Variants in RBFOX1 observed in about 807,000 individuals in gnomAD.
The protein encoded by RBFOX1 is RNA binding protein fox-1 homolog 1.
A neutral mutation model predicts 57.7 loss-of-function variants in RBFOX1; 8 were observed. That is an observed-to-expected ratio of 0.14 (90% CI 0.08 to 0.25). RBFOX1 has a LOEUF of 0.25. Among genes scored for constraint, RBFOX1 ranks in the 10% least tolerant of loss-of-function variants. The probability of loss-of-function intolerance (pLI) is 1.00; values close to 1 mark genes in which losing one functional copy is unlikely to be tolerated. For synonymous variants in RBFOX1, 326 were observed against 222.4 expected, an observed-to-expected ratio of 1.47 and a Z score of -4.15; for missense variants, 611 against 548.5, an observed-to-expected ratio of 1.11 and a Z score of -1.14.
intron 1 of RBFOX1, among the ~76,000 whole-genome samples, chr16:6,281,776 C>G (rs1367333122): frequency 1.3e-5 from 2 of 152,104 alleles, no homozygotes; most frequent in East Asian, 1.9e-4. Flanking sequence ...GCATTTTTCA[C>G]AGACTCCTCT....
At chr16:7,074,560 A>G (rs1317860632) in intron 4 of RBFOX1, among the ~76,000 whole-genome samples, 1 of 152,072 alleles carries the variant, frequency 6.6e-6, no homozygotes, top group African/African-American at 2.4e-5. Context: ...AAAAATTGAA[A>G]AAAGCCTCAG....
At chr16:5,726,038 C>T (rs1254772455) in intron 3 of RBFOX1, among the ~76,000 whole-genome samples, 1 of 152,042 alleles carries the variant, frequency 6.6e-6, no homozygotes, top group East Asian at 1.9e-4. Context: ...CCCAAAGAAT[C>T]CTGCTTCTCT....
At chr16:5,888,659 G>A (rs113806503) in intron 4 of RBFOX1, among the ~76,000 whole-genome samples, 1,530 of 152,192 alleles carry the variant, frequency 0.01, 31 homozygotes, top group African/African-American at 0.035. Flanking sequence ...GCAGGGTGTG[G>A]TGGCACATGC....
intron 2 of RBFOX1, among the ~76,000 whole-genome samples, chr16:6,545,093 A>G (rs911221745): frequency 1.3e-5 from 2 of 152,186 alleles, no homozygotes; most frequent in Non-Finnish European, 2.9e-5. Flanking sequence ...AGTAATAACA[A>G]TGGCTTTCCT....
intron 1 of RBFOX1, among the ~76,000 whole-genome samples, chr16:6,294,982 G>A (rs140394271): frequency 2.0e-3 from 304 of 152,106 alleles, no homozygotes; most frequent in African/African-American, 6.8e-3. Flanking sequence ...AGGAGGAATC[G>A]GCATAGGATA....
intron 4 of RBFOX1, among the ~76,000 whole-genome samples, chr16:5,875,817 G>C (rs1462792130): frequency 6.6e-6 from 1 of 151,682 alleles, no homozygotes; most frequent in Non-Finnish European, 1.5e-5. Flanking sequence ...GTTGCTGTGA[G>C]GTTTGGGGGA....
chr16:7,692,500 C>G (rs1394284110), intron 14 of RBFOX1, among the ~76,000 whole-genome samples: 1 of 152,124 alleles, frequency 6.6e-6, no homozygotes, highest in Non-Finnish European at 1.5e-5. Context: ...TAATAAAAAT[C>G]TAACCGATGA....
intron 14 of RBFOX1, among the ~76,000 whole-genome samples, chr16:7,680,810 A>G (rs1308203686): frequency 6.6e-6 from 1 of 152,160 alleles, no homozygotes; most frequent in Non-Finnish European, 1.5e-5. Context: ...GTAATATGAA[A>G]ATATACATAT....
intron 2 of RBFOX1, among the ~76,000 whole-genome samples, chr16:6,395,088 C>G (rs2092768996): frequency 6.6e-6 from 1 of 152,160 alleles, no homozygotes; most frequent in African/African-American, 2.4e-5. Flanking sequence ...TTATGACTCA[C>G]AAGACTCTGA....
intron 1 of RBFOX1, among the ~76,000 whole-genome samples, chr16:6,274,553 G>T (rs955696211): frequency 6.6e-6 from 1 of 152,104 alleles, no homozygotes; most frequent in South Asian, 2.1e-4. Flanking sequence ...GAAGGAAATG[G>T]GTGTGGTTAT....
intron 3 of RBFOX1, among the ~76,000 whole-genome samples, chr16:6,944,354 C>T (rs968380388): frequency 2.0e-5 from 3 of 149,306 alleles, no homozygotes; most frequent in Non-Finnish European, 4.4e-5. Flanking sequence ...AAGATTGCGC[C>T]GTTGTACTCC....
chr16:6,359,526 C>G (rs1452328056), intron 2 of RBFOX1, among the ~76,000 whole-genome samples: 1 of 152,138 alleles, frequency 6.6e-6, no homozygotes, highest in African/African-American at 2.4e-5. Flanking sequence ...GACACTCTTC[C>G]CAAAATGTTA....
At chr16:7,229,335 C>T (rs1243031282) in intron 4 of RBFOX1, among the ~76,000 whole-genome samples, 1 of 152,134 alleles carries the variant, frequency 6.6e-6, no homozygotes, top group Non-Finnish European at 1.5e-5. Flanking sequence ...TGAAATGAAA[C>T]TGCTCGGCTT....
intron 3 of RBFOX1, among the ~76,000 whole-genome samples, chr16:5,709,064 A>G (rs1371665903): frequency 6.6e-6 from 1 of 152,154 alleles, no homozygotes; most frequent in African/African-American, 2.4e-5. Context: ...CCCATAATAG[A>G]TCCCGTGAGT....
intron 1 of RBFOX1, among the ~76,000 whole-genome samples, chr16:6,091,411 G>A: frequency 6.6e-6 from 1 of 152,140 alleles, no homozygotes; most frequent in East Asian, 1.9e-4. Context: ...CTTTATAGAG[G>A]TCACCAGATT....
At position 5,424,911 on chromosome 16, in the gene RBFOX1, CT is replaced by C. The variant is rs1485581296; in HGVS notation, c.220-42302del. Among the ~76,000 whole-genome samples the C allele has an allele frequency of 2.0e-5, 2 of 102,502 alleles. 1 individual carries two copies. The highest frequency in any genetic ancestry group is 3.9e-5 in the Non-Finnish European group (2 of 51,234). The allele number at this position is 102,502 out of a possible 152,430, so 67.2% of individuals were successfully genotyped here. On this transcript the variant is annotated intron_variant, in intron 1 of 2. Coordinates refer to the RBFOX1 transcript ENST00000585867. ...TCTTTCTTTCTTTCTTTCTTTCTTT[CT>C]TTCTTTCTTTCTTTCTTTCTTTCTC...
rs527238762 is a variant in RBFOX1 at position 6,849,113 on chromosome 16, G to C, written c.-16+194463G>C. 4.6e-5 allele frequency among the ~76,000 whole-genome samples: 7 copies of C among 152,256 alleles called. No homozygotes were observed. In the East Asian group the frequency reaches 1.2e-3, roughly 25 times the overall value. ...ATGAGACGCTCCACATTTCTCCTTTGTGATTTATATATAATCATCCCCAGA... is the reference window on the plus strand; with the variant it reads ...ATGAGACGCTCCACATTTCTCCTTTCTGATTTATATATAATCATCCCCAGA... On this transcript the variant is annotated intron_variant, in intron 3 of 15. Transcript: ENST00000550418.
chr16:6,881,018 C>G (rs1195605233), intron 3 of RBFOX1, among the ~76,000 whole-genome samples: 1 of 152,064 alleles, frequency 6.6e-6, no homozygotes, highest in Non-Finnish European at 1.5e-5. Context: ...AATACGTGGC[C>G]CATACCCTCC....
At chr16:6,944,656 G>C (rs1270334433) in intron 3 of RBFOX1, among the ~76,000 whole-genome samples, 2 of 152,090 alleles carry the variant, frequency 1.3e-5, no homozygotes, top group Non-Finnish European at 2.9e-5. Context: ...ATGCATCACA[G>C]CCTAGAAAGT....
Sources: allele counts gnomAD v4.1 joint callset (sites outside exome capture counted in the v4.1 genomes callset), GRCh38; gene constraint gnomAD v4.1.1; transcripts MANE v1.5; gene names NCBI Gene and HGNC (gene_info 2026-07-23, HGNC 2026-07-21).